Variants in FAM184B observed in about 807,000 individuals in gnomAD.
FAM184B encodes family with sequence similarity 184 member B, also known as protein FAM184B.
FAM184B carries 111 observed loss-of-function variants against 135.9 expected under a neutral mutation model. The ratio of observed to expected loss-of-function variants is 0.82; its 90% CI spans 0.70 to 0.96. The LOEUF (loss-of-function observed/expected upper bound fraction) is 0.96. Ranked by LOEUF, FAM184B falls within the 40% of genes least tolerant of loss-of-function variation. The pLI, the probability that FAM184B is intolerant of heterozygous loss-of-function variation, is 0.00. For missense variants in FAM184B, 1,375 were observed against 1,323.9 expected (o/e 1.04, Z -0.60); for synonymous variants, 552 against 524.8 (o/e 1.05, Z -0.71).
chr4:17,658,739 C>A (rs1348063644), intron 9 of FAM184B, among the ~76,000 whole-genome samples, 177 bp from the exon 10 acceptor site: 2 of 152,202 alleles, frequency 1.3e-5, no homozygotes, highest in African/African-American at 4.8e-5. Flanking sequence ...GTCCTTCCAG[C>A]TAGGGCCACA....
At chr4:17,766,916 C>T (rs753706338) in intron 1 of FAM184B, among the ~76,000 whole-genome samples, 1 of 152,192 alleles carries the variant, frequency 6.6e-6, no homozygotes, top group Non-Finnish European at 1.5e-5. Context: ...AGGGGAGGCT[C>T]AGGCATGGTG....
intron 9 of FAM184B, among the ~76,000 whole-genome samples, chr4:17,659,738 G>A (rs561662304): frequency 6.6e-6 from 1 of 152,088 alleles, no homozygotes; most frequent in South Asian, 2.1e-4. Context: ...TGCCCCCCTC[G>A]GCCTCCCAAA....
intron 1 of FAM184B, among the ~76,000 whole-genome samples, chr4:17,737,967 T>C (rs1472923457): frequency 5.9e-5 from 9 of 152,172 alleles, no homozygotes; most frequent in Admixed American, 5.9e-4. Context: ...TGATACAAAA[T>C]GGCATAACAG....
At chr4:17,645,386 C>G (rs1410622889) in intron 12 of FAM184B, among the ~76,000 whole-genome samples, 1 of 152,122 alleles carries the variant, frequency 6.6e-6, no homozygotes, top group African/African-American at 2.4e-5. Flanking sequence ...GAGATATAGA[C>G]CAATGGAACA....
chr4:17,698,442 T>C (rs953655072), intron 5 of FAM184B, among the ~76,000 whole-genome samples: 4 of 152,158 alleles, frequency 2.6e-5, no homozygotes, highest in Admixed American at 2.6e-4. Context: ...TCACCGAAAA[T>C]TACCATGTAG....
intron 1 of FAM184B, among the ~76,000 whole-genome samples, chr4:17,758,030 C>T (rs1718461631): frequency 6.6e-6 from 1 of 152,160 alleles, no homozygotes; most frequent in Admixed American, 6.5e-5. Context: ...GGTCCCCAAA[C>T]TCAAAGTGCC....
intron 7 of FAM184B, among the ~76,000 whole-genome samples, chr4:17,667,118 C>A (rs546899583): frequency 5.9e-5 from 9 of 152,162 alleles, no homozygotes; most frequent in African/African-American, 1.9e-4. Flanking sequence ...ACCCACCATG[C>A]CTGGGTACTT....
chr4:17,767,131 G>A (rs1037150109), intron 1 of FAM184B, among the ~76,000 whole-genome samples: 1 of 152,174 alleles, frequency 6.6e-6, no homozygotes. Flanking sequence ...CGCCCACCCG[G>A]AACTCGCGCT....
At chr4:17,768,057 C>A (rs1026657346) in intron 1 of FAM184B, among the ~76,000 whole-genome samples, 46 of 152,226 alleles carry the variant, frequency 3.0e-4, no homozygotes, top group African/African-American at 1.0e-3. Flanking sequence ...AAACTTTATT[C>A]ATGGATACTA....
intron 5 of FAM184B, among the ~76,000 whole-genome samples, chr4:17,695,371 GC>G (rs1235576565): frequency 1.3e-5 from 2 of 152,062 alleles, no homozygotes; most frequent in East Asian, 3.9e-4. Context: ...TTGCTATGTA[GC>G]CCAGGCTGGT....
In FAM184B at chr4:17,642,129, C is replaced by T. The variant is rs2108930907; in HGVS notation, c.2446G>A (p.Asp816Asn). 6.5e-7 allele frequency: 1 copy of T among 1,533,524 alleles called. No homozygotes were observed. The highest frequency in any genetic ancestry group is 2.0e-5 in the Admixed American group (1 of 50,900). The allele number at this position is 1,533,524 out of a possible 1,614,324, so 95.0% of individuals were successfully genotyped here. Residue 816 changes from aspartate (D) to asparagine (N), a missense_variant, in exon 13 of 18, where the codon GAC (aspartate) becomes AAC (asparagine). Asp to Asn is a conservative substitution (Grantham distance 23, BLOSUM62 1). Transcript: ENST00000265018. ...TCCGCGCGCAGCCGCCGCACCGCGT[C>T]CTGGAGCTGCGCGTTCTCCTCCCAG... ...GLWEENAQLQDAVRRLRAEVE... is the reference protein window; with the variant it reads ...GLWEENAQLQNAVRRLRAEVE...
intron 13 of FAM184B, among the ~76,000 whole-genome samples, chr4:17,641,461 C>CTTTTT (rs71167316): frequency 0.01 from 475 of 45,694 alleles, 103 homozygotes; most frequent in Non-Finnish European, 0.015. Context: ...AGGACTCCCT[C>CTTTTT]TTTTTTTTTT....
chr4:17,633,897 A>T lies in FAM184B; in HGVS notation c.2890-9T>A. On this transcript the variant is annotated splice_polypyrimidine_tract_variant and intron_variant, in intron 16 of 17. Transcript: ENST00000265018. ...TCCTCCACCTTCTTTTTCTGTTTGT[A>T]TTAATGGACAGGTTAGTGCAATGCA... is the stretch of plus-strand genomic sequence containing the variant. 1 of 1,540,788 alleles carries T rather than the reference A, an allele frequency of 6.5e-7. No individual in the cohort carries two copies. Among genetic ancestry groups the T allele is most frequent in the Non-Finnish European group, 8.8e-7 (1 of 1,142,356 alleles).
chr4:17,653,306 G>C (rs1715678945), intron 10 of FAM184B, among the ~76,000 whole-genome samples: 1 of 152,190 alleles, frequency 6.6e-6, no homozygotes, highest in South Asian at 2.1e-4. Flanking sequence ...TACTGACTCT[G>C]TGGCTCCAAA....
intron 1 of FAM184B, among the ~76,000 whole-genome samples, chr4:17,711,681 A>G (rs1041779545): frequency 6.6e-6 from 1 of 152,094 alleles, no homozygotes; most frequent in African/African-American, 2.4e-5. Flanking sequence ...AACAAACAGA[A>G]GTTGAAGCCC....
At chr4:17,767,139 G>A (rs1560197066) in intron 1 of FAM184B, among the ~76,000 whole-genome samples, 2 of 152,184 alleles carry the variant, frequency 1.3e-5, no homozygotes, top group South Asian at 2.1e-4. Context: ...CGGAACTCGC[G>A]CTGGCCCGCG....
At chr4:17,729,080 A>G (rs558722321) in intron 1 of FAM184B, among the ~76,000 whole-genome samples, 2 of 152,232 alleles carry the variant, frequency 1.3e-5, no homozygotes, top group East Asian at 1.9e-4. Flanking sequence ...GGCTTAAAAA[A>G]CGGCACACCA....
At chr4:17,679,751 C>T (rs1716393070) in intron 7 of FAM184B, among the ~76,000 whole-genome samples, 2 of 151,996 alleles carry the variant, frequency 1.3e-5, no homozygotes, top group East Asian at 1.9e-4. Flanking sequence ...AAATTTGCAA[C>T]TGCAAAAATA....
At position 17,709,555 on chromosome 4, in the gene FAM184B, C is replaced by T. The variant is rs898352210; in HGVS notation, c.231G>A (p.Ala77=). 5 of 1,550,708 alleles carry T rather than the reference C, an allele frequency of 3.2e-6. No homozygotes were observed. The Admixed American group carries it at 5.9e-5, about 18-fold the overall frequency. ...REAHQEELQN[A]VAETKARLLQ... Reference sequence around the variant, plus strand: ...GGAGCCTGGCCTTGGTCTCTGCCACCGCATTCTGGAGCTCCTCCTGGTGCG... The same window carrying T: ...GGAGCCTGGCCTTGGTCTCTGCCACTGCATTCTGGAGCTCCTCCTGGTGCG... Residue 77 remains alanine (A), a synonymous_variant, in exon 2 of 18, where the codon GCG becomes GCA. Transcript: ENST00000265018.
Sources: allele counts gnomAD v4.1 joint callset (sites outside exome capture counted in the v4.1 genomes callset), GRCh38; gene constraint gnomAD v4.1.1; transcripts MANE v1.5; gene names NCBI Gene and HGNC (gene_info 2026-07-23, HGNC 2026-07-21).